The following EIPR1 variants were observed in gnomAD, a reference collection of about 807,000 sequenced individuals.
EIPR1 encodes the protein EARP and GARP complex-interacting protein 1.
Under a neutral mutation model 48.1 loss-of-function variants are expected in EIPR1, and 25 were observed. The observed-to-expected ratio is 0.52, with a 90% confidence interval of 0.38 to 0.73. The LOEUF is 0.73. EIPR1 is among the 30% of genes least tolerant of loss of function. The probability of loss-of-function intolerance (pLI) is 0.00; values close to 1 mark genes in which losing one functional copy is unlikely to be tolerated. For synonymous variants in EIPR1, 204 were observed against 201.9 expected (o/e 1.01, Z -0.09); for missense variants, 415 against 506.2 (o/e 0.82, Z 1.73).
At chr2:3,347,528 C>T (rs1342646646) in intron 2 of EIPR1, among the ~76,000 whole-genome samples, 1 of 152,192 alleles carries the variant, frequency 6.6e-6, no homozygotes, top group African/African-American at 2.4e-5. Flanking sequence ...GAGGCCTCCC[C>T]AGCCATGTGG....
At chr2:3,329,915 A>C (rs1033241781) in intron 3 of EIPR1, among the ~76,000 whole-genome samples, 1 of 138,948 alleles carries the variant, frequency 7.2e-6, no homozygotes, top group African/African-American at 2.7e-5. Flanking sequence ...ATACCACAGT[A>C]TAATGATCTC....
At chr2:3,361,126 T>C (rs1393759787) in intron 1 of EIPR1, among the ~76,000 whole-genome samples, 3 of 152,108 alleles carry the variant, frequency 2.0e-5, no homozygotes, top group Non-Finnish European at 4.4e-5. Flanking sequence ...AGAACTGAGG[T>C]GATGATGCTC....
chr2:3,277,212 A>ACACCTGTCTCCACCCACG (rs1558267878), intron 3 of EIPR1, among the ~76,000 whole-genome samples: 11 of 140,276 alleles, frequency 7.8e-5, no homozygotes, highest in Non-Finnish European at 1.1e-4. Context: ...CTCCACCCAC[A>ACACCTGTCTCCACCCACG]CGGCCCCGCA....
At chr2:3,266,631 C>T (rs1667498299) in intron 3 of EIPR1, among the ~76,000 whole-genome samples, 2 of 152,282 alleles carry the variant, frequency 1.3e-5, no homozygotes, top group Admixed American at 6.5e-5. Flanking sequence ...CAGGAGGCAG[C>T]AGGAGGTGGT....
At chr2:3,214,337 C>T (rs781586862) in intron 4 of EIPR1, 89 bp from the exon 5 acceptor site, 33 of 1,226,166 alleles carry the variant, frequency 2.7e-5, no homozygotes, top group Middle Eastern at 2.0e-4. Context: ...TTCTTCATGA[C>T]GCAGGAAATC....
In EIPR1 at chr2:3,192,426, C is replaced by T. The variant is rs143356052; in HGVS notation, c.977G>A (p.Arg326His). 1,378 of 1,610,900 alleles carry T rather than the reference C, an allele frequency of 8.6e-4. 6 individuals carry two copies. Among genetic ancestry groups the T allele is most frequent in the South Asian group, 2.1e-3 (194 of 90,580 alleles). ...TGCGTGCCCTTACTTCTCTTCAGAA[C>T]GGTGGTCCTCCTGGTCACTGATGTC... ...DDDISDQEDH[R>H]SEEKSKEPLQ... is the part of the protein sequence containing the mutation. Residue 326 changes from arginine (R) to histidine (H), a missense_variant, in exon 8 of 9, where the codon CGT becomes CAT. Physicochemically the swap from Arg to His is conservative, Grantham distance 29. Coordinates refer to ENST00000382125, the MANE Select transcript of EIPR1 (RefSeq NM_003310.5).
At chr2:3,371,443 G>C (rs111369280) in intron 1 of EIPR1, among the ~76,000 whole-genome samples, 1 of 152,104 alleles carries the variant, frequency 6.6e-6, no homozygotes, top group African/African-American at 2.4e-5. Context: ...TGGCAAATTG[G>C]ATAAAGAGTC....
intron 1 of EIPR1, among the ~76,000 whole-genome samples, chr2:3,376,272 T>C (rs1199487906): frequency 6.6e-6 from 1 of 152,178 alleles, no homozygotes; most frequent in Non-Finnish European, 1.5e-5. Flanking sequence ...CATATTTTAT[T>C]GGCAAGGAAA....
rs1414784042 is a variant in EIPR1 at position 3,372,632 on chromosome 2, G to A, written c.42+5016C>T. ...CGCAAATAAACTAGAAAATCTAGAA[G>A]AAATGGATAAATTCCTCAACACATA... On this transcript the variant is annotated intron_variant, in intron 1 of 8. Coordinates refer to ENST00000382125, the MANE Select transcript of EIPR1 (RefSeq NM_003310.5). Among the ~76,000 whole-genome samples the A allele has an allele frequency of 3.3e-5, 5 of 152,280 alleles. No homozygotes were observed. The East Asian group carries it at 5.8e-4, about 18-fold the overall frequency.
At chr2:3,202,146 C>T (rs1211870316) in intron 5 of EIPR1, among the ~76,000 whole-genome samples, 1 of 152,124 alleles carries the variant, frequency 6.6e-6, no homozygotes, top group African/African-American at 2.4e-5. Context: ...ACCATGTTAG[C>T]CAGGATGGTC....
chr2:3,316,457 C>T (rs1377572218), intron 3 of EIPR1, among the ~76,000 whole-genome samples: 1 of 152,116 alleles, frequency 6.6e-6, no homozygotes, highest in Non-Finnish European at 1.5e-5. Flanking sequence ...TGATTAGGTA[C>T]ATTTAAGTCC....
intron 3 of EIPR1, chr2:3,298,527 T>A (rs1242912865): frequency 6.6e-6 from 1 of 151,914 alleles, no homozygotes; most frequent in Non-Finnish European, 1.5e-5. Context: ...GTATCTAGGA[T>A]CTTACGATCT....
intron 3 of EIPR1, among the ~76,000 whole-genome samples, chr2:3,304,392 GCCCTCCACTCCCGTCCTGTTCAA>G (rs879477360): frequency 3.7e-3 from 567 of 151,974 alleles, no homozygotes; most frequent in Non-Finnish European, 6.0e-3. Context: ...CTGCAGTTCA[GCCCTCCACTCCCGTCCTGTTCAA>G]CCCTCCACTC....
At chr2:3,352,844 A>G (rs1241733457) in intron 2 of EIPR1, among the ~76,000 whole-genome samples, 1 of 152,206 alleles carries the variant, frequency 6.6e-6, no homozygotes, top group Non-Finnish European at 1.5e-5. Flanking sequence ...TAAAAATACA[A>G]AAATTAGCTG....
At chr2:3,225,119 G>C (rs576977462) in intron 4 of EIPR1, among the ~76,000 whole-genome samples, 1 of 152,198 alleles carries the variant, frequency 6.6e-6, no homozygotes, top group African/African-American at 2.4e-5. Flanking sequence ...AACAAATTTG[G>C]AAAATACTGC....
intron 3 of EIPR1, among the ~76,000 whole-genome samples, chr2:3,263,418 T>C (rs570672530): frequency 8.6e-4 from 131 of 152,272 alleles, no homozygotes; most frequent in Admixed American, 4.3e-3. Context: ...TTAGTCCAAG[T>C]ATGAGTTTGC....
chr2:3,313,793 A>T (rs560986727), intron 3 of EIPR1, among the ~76,000 whole-genome samples: 21 of 152,282 alleles, frequency 1.4e-4, no homozygotes, highest in African/African-American at 4.3e-4. Flanking sequence ...TGAGAAACTC[A>T]AGGCCCAAGC....
intron 3 of EIPR1, among the ~76,000 whole-genome samples, chr2:3,298,017 G>A (rs1315301353): frequency 6.6e-6 from 1 of 152,146 alleles, no homozygotes; most frequent in Non-Finnish European, 1.5e-5. Context: ...CCTACTATGT[G>A]CCAGGCACTT....
intron 1 of EIPR1, among the ~76,000 whole-genome samples, chr2:3,364,653 GA>G (rs548342426): frequency 4.5e-4 from 63 of 138,928 alleles, no homozygotes; most frequent in South Asian, 2.5e-3. Flanking sequence ...AAAAAAGAAA[GA>G]AAAAAAAAAA....
Sources: allele counts gnomAD v4.1 joint callset (sites outside exome capture counted in the v4.1 genomes callset), GRCh38; gene constraint gnomAD v4.1.1; transcripts MANE v1.5; gene names NCBI Gene and HGNC (gene_info 2026-07-23, HGNC 2026-07-21).